Variants in SARM1 observed in about 807,000 individuals in gnomAD.
SARM1 encodes sterile alpha and TIR motif containing 1, also known as NAD(+) hydrolase SARM1.
A neutral mutation model predicts 65.1 loss-of-function variants in SARM1; 60 were observed. The ratio of observed to expected loss-of-function variants is 0.92; its 90% CI spans 0.75 to 1.14. The LOEUF (loss-of-function observed/expected upper bound fraction) is 1.14, where lower values mean the gene tolerates loss of function less well. SARM1 is among the 50% of genes most tolerant of loss of function. The pLI, the probability that SARM1 is intolerant of heterozygous loss-of-function variation, is 0.00. For synonymous variants in SARM1, 417 were observed against 465.4 expected, an observed-to-expected ratio of 0.90 and a Z score of 1.34; for missense variants, 913 against 1,015.7, an observed-to-expected ratio of 0.90 and a Z score of 1.37.
intron 7 of SARM1, among the ~76,000 whole-genome samples, chr17:28,392,323 G>A (rs1460631612): frequency 2.6e-5 from 4 of 151,622 alleles, no homozygotes; most frequent in Middle Eastern, 3.4e-3. Flanking sequence ...TCACCATCTT[G>A]GCCAAGATGG....
rs1192759713 is a variant in SARM1 at position 28,397,064 on chromosome 17, T to C, written c.*778T>C. ...CCCACCCTACCCCATGCCTTGGTGCTGTGCCTCAGGCTCCTTCCTGGTCTG... is the reference window on the plus strand; with the variant it reads ...CCCACCCTACCCCATGCCTTGGTGCCGTGCCTCAGGCTCCTTCCTGGTCTG... On this transcript the variant is annotated 3_prime_UTR_variant, in exon 9 of 9. Transcript: ENST00000585482. 2 of 152,752 alleles carry C rather than the reference T, an allele frequency of 1.3e-5. No individual in the cohort carries two copies. Among genetic ancestry groups the C allele is most frequent in the Non-Finnish European group, 2.9e-5 (2 of 68,196 alleles). The allele number at this position is 152,752 out of a possible 1,614,324, so 9.5% of individuals were successfully genotyped here. A position where few individuals can be genotyped will look rare whatever the true frequency, so the allele number is the denominator to read the frequency against.
rs782218886 is a variant in SARM1 at position 28,384,548 on chromosome 17, C to T, written c.1281C>T (p.Ser427=). The change falls in exon 3 of 9, where the codon TCC becomes TCT. Residue 427 remains serine, a synonymous_variant. Transcript: ENST00000585482. The surrounding 1 kb of genome is among the most constrained non-coding windows in gnomAD (Gnocchi z 4.4). ...VQTWLQQIGF[S]KYCESFREQQ... ...CGTGGCTGCAGCAGATCGGTTTCTC[C>T]AAGTACTGCGAGAGCTTCCGGGTAG... The T allele has an allele frequency of 1.2e-6, 2 of 1,609,904 alleles. No homozygotes were observed. Among genetic ancestry groups the T allele is most frequent in the South Asian group, 1.1e-5 (1 of 90,626 alleles).
At chr17:28,388,058 C>T (rs2068061096) in intron 5 of SARM1, 116 bp from the exon 6 acceptor site, 1 of 813,138 alleles carries the variant, frequency 1.2e-6, no homozygotes, top group African/African-American at 1.7e-5. Context: ...CCACCCTCCC[C>T]AGGCTGGGCT....
rs1347116373 is a variant in SARM1 at position 28,396,556 on chromosome 17, T to A, written c.*270T>A. ...TTGTCTGTCTCCGTCATGGGGAGGG[T>A]CCCTGCTCAGTTCTGGAGACACTGG... On this transcript the variant is annotated 3_prime_UTR_variant, in exon 9 of 9. Transcript: ENST00000585482. The A allele has an allele frequency of 4.2e-5, 21 of 504,944 alleles. No homozygotes were observed. Among genetic ancestry groups the A allele is most frequent in the Non-Finnish European group, 6.5e-5 (18 of 278,864 alleles). 31.3% of individuals were successfully genotyped at this position (504,944 alleles called of 1,614,324 possible).
chr17:28,375,940 C>T (rs73271189), intron 1 of SARM1, among the ~76,000 whole-genome samples: 1,921 of 152,280 alleles, frequency 0.013, 39 homozygotes, highest in African/African-American at 0.044. Flanking sequence ...CAGGCATTTG[C>T]ATGTATATTA....
chr17:28,390,944 G>A, intron 7 of SARM1, among the ~76,000 whole-genome samples: 1 of 152,168 alleles, frequency 6.6e-6, no homozygotes, highest in Non-Finnish European at 1.5e-5. Context: ...TCCCCTGGCT[G>A]CACTACTAGT....
At chr17:28,373,362 T>G (rs1336931447) in intron 1 of SARM1, 1 of 152,292 alleles carries the variant, frequency 6.6e-6, no homozygotes, top group Non-Finnish European at 1.5e-5. Flanking sequence ...TCCAGTCTCA[T>G]GCTGAAGTCT....
chr17:28,388,394 T>C lies in SARM1; in HGVS notation c.1778T>C (p.Ile593Thr), dbSNP rs782196205. The C allele has an allele frequency of 3.0e-5, 49 of 1,613,824 alleles. No individual in the cohort carries two copies. The South Asian group carries it at 4.2e-4, about 14-fold the overall frequency. Reference protein sequence around the residue: ...HLQLHGFSVFIDVEKLEAGKF... With the variant: ...HLQLHGFSVFTDVEKLEAGKF... ...CAGCTGCATGGCTTCAGTGTCTTCA[T>C]TGATGTGGAGAAGCTGGAAGCAGGC... The change falls in exon 7 of 9, where the codon ATT (isoleucine) becomes ACT (threonine). Residue 593 changes from isoleucine (I) to threonine (T), a missense_variant. Ile to Thr is a moderately conservative substitution (Grantham distance 89, BLOSUM62 -1). Coordinates refer to ENST00000585482, the MANE Select transcript of SARM1 (RefSeq NM_015077.4).
In SARM1 at chr17:28,400,475, A is replaced by T; in HGVS notation, c.*4189A>T. 1 of 1,214,806 alleles carries T rather than the reference A, an allele frequency of 8.2e-7. No individual in the cohort carries two copies. Among genetic ancestry groups the T allele is most frequent in the Non-Finnish European group, 1.1e-6 (1 of 883,230 alleles). The allele number at this position is 1,214,806 out of a possible 1,614,324, so 75.3% of individuals were successfully genotyped here. A position where few individuals can be genotyped will look rare whatever the true frequency, so the allele number is the denominator to read the frequency against. On this transcript the variant is annotated 3_prime_UTR_variant, in exon 9 of 9. Coordinates refer to ENST00000585482, the MANE Select transcript of SARM1 (RefSeq NM_015077.4). ...GGATTAGGCAGCCATCTGCAAGGAG[A>T]GGGGCAACCTGGGACAAGACACCCA...
intron 7 of SARM1, chr17:28,395,276 G>A (rs1247284225): frequency 1.3e-5 from 2 of 152,234 alleles, no homozygotes; most frequent in African/African-American, 4.8e-5. Context: ...TAATTTCACA[G>A]TTATAAAGGA....
chr17:28,381,076 G>T, intron 1 of SARM1, 127 bp from the exon 2 acceptor site: 1 of 1,118,316 alleles, frequency 8.9e-7, no homozygotes, highest in Non-Finnish European at 1.2e-6. Flanking sequence ...GGAGCAGGGA[G>T]GGGAATGCTC....
At chr17:28,375,355 T>C (rs879991597) in intron 1 of SARM1, among the ~76,000 whole-genome samples, 42 of 20,758 alleles carry the variant, frequency 2.0e-3, no homozygotes, top group Admixed American at 9.9e-3. Flanking sequence ...CCCAGCACTT[T>C]GGGAGGCCCA....
chr17:28,383,301 G>C (rs1214596915), intron 2 of SARM1, among the ~76,000 whole-genome samples: 2 of 152,194 alleles, frequency 1.3e-5, no homozygotes, highest in African/African-American at 2.4e-5. Context: ...AGGAACCTGG[G>C]AGGCAGAGGT....
In SARM1 at chr17:28,381,480, G is replaced by A. The variant is rs1555585243; in HGVS notation, c.748G>A (p.Ala250Thr). Residue 250 changes from alanine to threonine, a missense_variant, in exon 2 of 9, where the codon GCA (alanine) becomes ACA (threonine). Ala to Thr is a moderately conservative substitution (Grantham distance 58). Coordinates refer to ENST00000585482, the MANE Select transcript of SARM1 (RefSeq NM_015077.4). ...GCAGCGACGCATGGTAGAGAAGCGC[G>A]CAGCCGAGTGGCTCTTCCCGCTCGC... Reference protein sequence around the residue: ...AVQRRMVEKRAAEWLFPLAFS... With the variant: ...AVQRRMVEKRTAEWLFPLAFS... The A allele has an allele frequency of 1.3e-6, 2 of 1,553,062 alleles. No individual in the cohort carries two copies. Among genetic ancestry groups the A allele is most frequent in the East Asian group, 4.9e-5 (2 of 41,234 alleles).
At chr17:28,391,623 G>A (rs1440093667) in intron 7 of SARM1, among the ~76,000 whole-genome samples, 2 of 149,322 alleles carry the variant, frequency 1.3e-5, no homozygotes, top group Non-Finnish European at 3.0e-5. Flanking sequence ...TGAGCTCCAT[G>A]AGACTTCAGA....
At position 28,401,031 on chromosome 17, in the gene SARM1, T is replaced by TAA; in HGVS notation, c.*4748_*4749dup. 9.3e-6 allele frequency: 3 copies of TAA among 323,218 alleles called. No individual in the cohort carries two copies. Among genetic ancestry groups the TAA allele is most frequent in the African/African-American group, 8.3e-5 (1 of 12,116 alleles). 20.0% of individuals were successfully genotyped at this position (323,218 alleles called of 1,614,324 possible). ...ATGTGATCTGACAGAACCCAGCACA[T>TAA]AAAAGAAAAAAAAAGTACATGTGAT... On this transcript the variant is annotated 3_prime_UTR_variant, in exon 9 of 9. Transcript: ENST00000585482.
At chr17:28,375,368 C>A (rs1455011920) in intron 1 of SARM1, among the ~76,000 whole-genome samples, 1 of 178 alleles carries the variant, frequency 5.6e-3, no homozygotes, top group Non-Finnish European at 0.011. Flanking sequence ...GAGGCCCAGG[C>A]GGGAGATTGC....
chr17:28,387,346 C>G (rs553449577), intron 5 of SARM1, among the ~76,000 whole-genome samples: 2 of 151,754 alleles, frequency 1.3e-5, no homozygotes, highest in Non-Finnish European at 2.9e-5. Flanking sequence ...GATTCTCGTG[C>G]CTCAGCCTCC....
intron 2 of SARM1, 47 bp downstream of exon 2, chr17:28,381,868 T>C (rs2068027302): frequency 7.2e-7 from 1 of 1,390,340 alleles, no homozygotes; most frequent in Non-Finnish European, 9.3e-7. Context: ...AGAGAGCCTT[T>C]GGGAAGGTTT....
Sources: allele counts gnomAD v4.1 joint callset (sites outside exome capture counted in the v4.1 genomes callset), GRCh38; gene constraint gnomAD v4.1.1; non-coding constraint Gnocchi (gnomAD v3.1); transcripts MANE v1.5; gene names NCBI Gene and HGNC (gene_info 2026-07-23, HGNC 2026-07-21).